The following DOCK3 variants were observed in gnomAD, a reference collection of about 807,000 sequenced individuals.
The protein encoded by DOCK3 is dedicator of cytokinesis 3.
Under a neutral mutation model 265.6 loss-of-function variants are expected in DOCK3, and 60 were observed. The ratio of observed to expected loss-of-function variants is 0.23; its 90% CI spans 0.18 to 0.28. The LOEUF is 0.28. Ranked by LOEUF, DOCK3 falls within the 10% of genes least tolerant of loss-of-function variation. The pLI is 1.00. For missense variants in DOCK3, 1,981 were observed against 2,594.3 expected (o/e 0.76, Z 5.14); for synonymous variants, 881 against 938.0 (o/e 0.94, Z 1.11).
intron 25 of DOCK3, 146 bp from the exon 26 acceptor site, chr3:51,277,462 C>T (rs2080876590): frequency 9.3e-7 from 1 of 1,072,176 alleles, no homozygotes; most frequent in African/African-American, 1.7e-5. Context: ...GTCCTGGGTG[C>T]CTTGACACTG....
intron 4 of DOCK3, among the ~76,000 whole-genome samples, chr3:50,921,234 A>C (rs983238435): frequency 6.6e-6 from 1 of 152,134 alleles, no homozygotes; most frequent in Non-Finnish European, 1.5e-5. Flanking sequence ...TATTTATTGG[A>C]GGCTTTGTTC....
intron 32 of DOCK3, among the ~76,000 whole-genome samples, chr3:51,326,525 C>G (rs1052993964): frequency 6.6e-6 from 1 of 151,352 alleles, no homozygotes; most frequent in Admixed American, 6.6e-5. Context: ...CATGATCTGC[C>G]CACCTGGGCC....
chr3:51,111,531 C>T (rs2109841413), intron 9 of DOCK3, among the ~76,000 whole-genome samples: 1 of 152,226 alleles, frequency 6.6e-6, no homozygotes, highest in South Asian at 2.1e-4. Flanking sequence ...TAACCATATG[C>T]AGAAGATTGA....
intron 4 of DOCK3, chr3:50,901,537 T>C (rs549389947): frequency 2.3e-6 from 1 of 435,784 alleles, no homozygotes; most frequent in East Asian, 7.1e-5. Context: ...TATGCTGCAG[T>C]TAGCTCAGTG....
intron 2 of DOCK3, among the ~76,000 whole-genome samples, chr3:50,816,032 T>C (rs1225632415): frequency 6.9e-6 from 1 of 144,034 alleles, no homozygotes; most frequent in African/African-American, 2.5e-5. Context: ...GAAAAACTGG[T>C]TTTTTTTTTT....
At chr3:50,760,756 C>T (rs1206608103) in intron 1 of DOCK3, among the ~76,000 whole-genome samples, 1 of 151,842 alleles carries the variant, frequency 6.6e-6, no homozygotes, top group Non-Finnish European at 1.5e-5. Context: ...AACTAGTTTG[C>T]TACCTCTAAT....
intron 1 of DOCK3, among the ~76,000 whole-genome samples, chr3:50,769,014 A>AT (rs2041097889): frequency 1.3e-5 from 2 of 150,870 alleles, no homozygotes; most frequent in African/African-American, 4.9e-5. Context: ...GATGTTGAGC[A>AT]TTTTTTCATA....
At chr3:50,708,486 TG>T (rs2107888301) in intron 1 of DOCK3, among the ~76,000 whole-genome samples, 1 of 152,228 alleles carries the variant, frequency 6.6e-6, no homozygotes, top group Non-Finnish European at 1.5e-5. Flanking sequence ...TTTAGGGATG[TG>T]GTTGTAGGGC....
At chr3:51,208,373 A>T (rs2089333505) in intron 12 of DOCK3, among the ~76,000 whole-genome samples, 1 of 152,160 alleles carries the variant, frequency 6.6e-6, no homozygotes, top group Admixed American at 6.5e-5. Context: ...ACAGTAAAAA[A>T]CCAATGCCAT....
rs755531254 is a variant in DOCK3 at position 50,869,342 on chromosome 3, ATTTTTTTTTTTT to A, written c.163-20647_163-20636del. On this transcript the variant is annotated intron_variant, in intron 3 of 52. Coordinates refer to ENST00000266037, the MANE Select transcript of DOCK3 (RefSeq NM_004947.5). ...TCAATTTTATTTATTTCTGCTGGGAATTTTTTTTTTTTTTTTTTTTTTTTTTTTTTTTTTTTT... is the reference window on the plus strand; with the variant it reads ...TCAATTTTATTTATTTCTGCTGGGAATTTTTTTTTTTTTTTTTTTTTTTTT... 4.7e-4 allele frequency among the ~76,000 whole-genome samples: 33 copies of A among 70,104 alleles called. 11 individuals are homozygous for A. The highest frequency in any genetic ancestry group is 1.5e-3 in the African/African-American group (22 of 15,140). The allele number at this position is 70,104 out of a possible 152,430, so 46.0% of individuals were successfully genotyped here.
At chr3:50,954,336 A>T (rs1280965453) in intron 5 of DOCK3, among the ~76,000 whole-genome samples, 1 of 152,124 alleles carries the variant, frequency 6.6e-6, no homozygotes, top group Non-Finnish European at 1.5e-5. Flanking sequence ...GTGTCAGTGG[A>T]ATCTGAGTTT....
chr3:51,061,204 A>G (rs1351934375), intron 5 of DOCK3, among the ~76,000 whole-genome samples: 3 of 152,206 alleles, frequency 2.0e-5, no homozygotes, highest in Admixed American at 6.5e-5. Flanking sequence ...CAGCCATCCC[A>G]TTACTGTATA....
intron 32 of DOCK3, among the ~76,000 whole-genome samples, chr3:51,323,281 A>G (rs970946570): frequency 6.6e-6 from 1 of 152,186 alleles, no homozygotes; most frequent in Non-Finnish European, 1.5e-5. Context: ...CCCACTGTCT[A>G]TATTAGACAG....
chr3:51,215,899 A>G (rs902639509), intron 14 of DOCK3, among the ~76,000 whole-genome samples: 2 of 152,078 alleles, frequency 1.3e-5, no homozygotes, highest in Non-Finnish European at 2.9e-5. Context: ...CACTTCTACC[A>G]TCCTGTCATG....
chr3:51,103,115 T>A (rs1560065887), intron 9 of DOCK3, among the ~76,000 whole-genome samples: 1 of 152,190 alleles, frequency 6.6e-6, no homozygotes, highest in East Asian at 1.9e-4. Flanking sequence ...GCTATTAAGT[T>A]TTGAACCTAA....
At chr3:50,979,815 C>T (rs2077624229) in intron 5 of DOCK3, among the ~76,000 whole-genome samples, 1 of 152,178 alleles carries the variant, frequency 6.6e-6, no homozygotes, top group South Asian at 2.1e-4. Flanking sequence ...CATCCTACAA[C>T]TTGACTGAAT....
chr3:50,700,453 G>T (rs1270322541), intron 1 of DOCK3, among the ~76,000 whole-genome samples: 1 of 152,034 alleles, frequency 6.6e-6, no homozygotes, highest in Non-Finnish European at 1.5e-5. Context: ...TCCAGCCTTT[G>T]GTAACCATCA....
intron 13 of DOCK3, among the ~76,000 whole-genome samples, chr3:51,210,660 T>G (rs2089451777): frequency 6.6e-6 from 1 of 152,338 alleles, no homozygotes; most frequent in East Asian, 1.9e-4. Context: ...GAGAATTTTA[T>G]AGATTGCTCA....
At chr3:50,713,012 G>C (rs2036866740) in intron 1 of DOCK3, among the ~76,000 whole-genome samples, 1 of 152,106 alleles carries the variant, frequency 6.6e-6, no homozygotes, top group South Asian at 2.1e-4. Context: ...CCAGTTCTTG[G>C]AATGATCCCT....
Sources: gnomAD v4.1 joint callset for allele counts (sites outside exome capture counted in the v4.1 genomes callset) on GRCh38, gnomAD v4.1.1 for gene constraint, MANE v1.5 for transcripts, NCBI Gene and HGNC (gene_info 2026-07-23, HGNC 2026-07-21) for gene names.